The following DOCK3 variants were observed in gnomAD, a reference collection of about 807,000 sequenced individuals.
DOCK3 encodes the protein dedicator of cytokinesis 3.
In DOCK3, 60 loss-of-function variants were observed where a neutral mutation model predicts 265.6. That is an observed-to-expected ratio of 0.23 (90% CI 0.18 to 0.28). The LOEUF is 0.28. DOCK3 is among the 10% of genes least tolerant of loss of function. The pLI, the probability that DOCK3 is intolerant of heterozygous loss-of-function variation, is 1.00. For synonymous variants in DOCK3, 881 were observed against 938.0 expected (o/e 0.94, Z 1.11); for missense variants, 1,981 against 2,594.3 (o/e 0.76, Z 5.14).
At chr3:50,704,081 A>G (rs1313875047) in intron 1 of DOCK3, among the ~76,000 whole-genome samples, 3 of 151,982 alleles carry the variant, frequency 2.0e-5, no homozygotes, top group Non-Finnish European at 4.4e-5. Context: ...TTATTTGTAC[A>G]GTTTCCAAAA....
chr3:51,316,851 T>C (rs1226067903), intron 32 of DOCK3, among the ~76,000 whole-genome samples: 2 of 152,226 alleles, frequency 1.3e-5, no homozygotes, highest in African/African-American at 4.8e-5. Flanking sequence ...ATATTCTGTA[T>C]GTAAGTCCTT....
intron 5 of DOCK3, among the ~76,000 whole-genome samples, chr3:50,966,593 T>C (rs2108432250): frequency 6.6e-6 from 1 of 151,800 alleles, no homozygotes; most frequent in African/African-American, 2.4e-5. Context: ...TGATTAGTGA[T>C]ACTGAACACC....
intron 4 of DOCK3, among the ~76,000 whole-genome samples, chr3:50,925,824 CTTTTTTT>C (rs368819970): frequency 1.1e-5 from 1 of 88,426 alleles, no homozygotes. Flanking sequence ...TAAAACTAGT[CTTTTTTT>C]TTTTTTTTTT....
intron 32 of DOCK3, among the ~76,000 whole-genome samples, chr3:51,328,622 G>A (rs1481475096): frequency 1.4e-5 from 2 of 148,018 alleles, no homozygotes; most frequent in Non-Finnish European, 3.0e-5. Flanking sequence ...AAAAAAAAAA[G>A]AGAGGCTATA....
chr3:51,147,446 C>T (rs961745656), intron 10 of DOCK3, among the ~76,000 whole-genome samples: 2 of 152,114 alleles, frequency 1.3e-5, no homozygotes, highest in Non-Finnish European at 2.9e-5. Context: ...TACCCATTAA[C>T]TCGTGATTTA....
At chr3:51,074,529 C>G (rs2081987972) in intron 6 of DOCK3, among the ~76,000 whole-genome samples, 1 of 152,086 alleles carries the variant, frequency 6.6e-6, no homozygotes, top group Non-Finnish European at 1.5e-5. Flanking sequence ...TCTAATGTTT[C>G]TTAAAATATT....
At chr3:51,369,308 T>C (rs942716158) in intron 49 of DOCK3, among the ~76,000 whole-genome samples, 20 of 152,158 alleles carry the variant, frequency 1.3e-4, no homozygotes, top group African/African-American at 4.3e-4. Context: ...AAAGAGTAGA[T>C]GAATGGCTAA....
intron 5 of DOCK3, among the ~76,000 whole-genome samples, chr3:51,050,850 C>G (rs2080968745): frequency 6.6e-6 from 1 of 152,122 alleles, no homozygotes; most frequent in African/African-American, 2.4e-5. Context: ...TTGTGCATCC[C>G]TTAGCCCAGT....
At chr3:51,368,417 T>A (rs1256157254) in intron 49 of DOCK3, among the ~76,000 whole-genome samples, 2 of 152,228 alleles carry the variant, frequency 1.3e-5, no homozygotes, top group Admixed American at 1.3e-4. Context: ...ATCCTGCGCC[T>A]GACTCAGGGG....
intron 12 of DOCK3, among the ~76,000 whole-genome samples, chr3:51,165,202 C>A (rs902997812): frequency 6.6e-6 from 1 of 152,150 alleles, no homozygotes; most frequent in African/African-American, 2.4e-5. Context: ...GATGGGGTTA[C>A]AGGCGTGAGC....
Position 51,356,163 on chromosome 3 carries a change from G to A in DOCK3, c.4324G>A (p.Val1442Ile). The change falls in exon 42 of 53, where the codon GTC (valine) becomes ATC (isoleucine). Residue 1442 changes from valine to isoleucine, a missense_variant. Around this residue, in one of 4 missense-constraint regions of DOCK3, gnomAD observed 1,357 missense variants for 1,866.8 expected, o/e 0.73. Transcript: ENST00000266037. Reference protein sequence around the residue: ...VLQMDRVPDRVKSFYRVNNVR... With the variant: ...VLQMDRVPDRIKSFYRVNNVR... ...GCAGATGGATAGGGTACCAGATCGA[G>A]TCAAGAGCTTCTATCGCGTCAACAA... 6.2e-7 allele frequency: 1 copy of A among 1,613,992 alleles called. No homozygotes were observed. Among genetic ancestry groups the A allele is most frequent in the Non-Finnish European group, 8.5e-7 (1 of 1,179,890 alleles).
At chr3:51,206,575 G>A (rs2089224566) in intron 12 of DOCK3, among the ~76,000 whole-genome samples, 2 of 152,004 alleles carry the variant, frequency 1.3e-5, no homozygotes, top group African/African-American at 4.8e-5. Context: ...AAAAAAAAGA[G>A]AGAGACGGGG....
chr3:51,251,938 T>A (rs994657082), intron 22 of DOCK3, among the ~76,000 whole-genome samples: 1 of 152,222 alleles, frequency 6.6e-6, no homozygotes, highest in African/African-American at 2.4e-5. Flanking sequence ...TGCTTGCCCA[T>A]GTCTATGTCC....
intron 3 of DOCK3, among the ~76,000 whole-genome samples, chr3:50,886,378 T>C (rs2048338931): frequency 6.6e-6 from 1 of 151,934 alleles, no homozygotes; most frequent in Admixed American, 6.6e-5. Flanking sequence ...TATGGTTACG[T>C]GCAGTTGCTT....
At chr3:51,274,704 C>T (rs1419043949) in intron 24 of DOCK3, among the ~76,000 whole-genome samples, 2 of 151,912 alleles carry the variant, frequency 1.3e-5, no homozygotes, top group African/African-American at 4.8e-5. Context: ...TCTAGCAATC[C>T]TAGAAAGTTG....
In DOCK3 at chr3:51,348,889, C is replaced by G. The variant is rs1284256999; in HGVS notation, c.3953C>G (p.Ala1318Gly). Reference sequence around the variant, plus strand: ...GGGATCCCACTGTGCAGGGAGCTGGCGTGTCAGTACGAGAGCCTCTATGAT... The same window carrying G: ...GGGATCCCACTGTGCAGGGAGCTGGGGTGTCAGTACGAGAGCCTCTATGAT... Reference protein sequence around the residue: ...EFGIPLCRELACQYESLYDYQ... With the variant: ...EFGIPLCRELGCQYESLYDYQ... The change falls in exon 39 of 53, where the codon GCG (alanine) becomes GGG (glycine). Residue 1318 changes from alanine (A) to glycine (G), a missense_variant. Coordinates refer to ENST00000266037, the MANE Select transcript of DOCK3 (RefSeq NM_004947.5). The G allele has an allele frequency of 6.3e-7, 1 of 1,584,792 alleles. No individual in the cohort carries two copies. Among genetic ancestry groups the G allele is most frequent in the Admixed American group, 1.8e-5 (1 of 55,824 alleles).
chr3:51,050,686 A>C (rs138053791), intron 5 of DOCK3, among the ~76,000 whole-genome samples: 26 of 152,346 alleles, frequency 1.7e-4, no homozygotes, highest in African/African-American at 6.3e-4. Flanking sequence ...CAGCTCAGGC[A>C]GAGAGTGAAT....
intron 5 of DOCK3, among the ~76,000 whole-genome samples, chr3:50,945,208 CT>C (rs1271553906): frequency 1.3e-5 from 2 of 152,042 alleles, no homozygotes; most frequent in African/African-American, 2.4e-5. Flanking sequence ...AGATAAATTG[CT>C]TCAGTCATTT....
At position 51,225,501 on chromosome 3, in the gene DOCK3, G is replaced by A; in HGVS notation, c.1253-148G>A. 13 of 1,272,722 alleles carry A rather than the reference G, an allele frequency of 1.0e-5. No homozygotes were observed. The South Asian group carries it at 1.9e-4, about 19-fold the overall frequency. The allele number at this position is 1,272,722 out of a possible 1,614,324, so 78.8% of individuals were successfully genotyped here. On this transcript the variant is annotated intron_variant, in intron 14 of 52. Coordinates refer to ENST00000266037, the MANE Select transcript of DOCK3 (RefSeq NM_004947.5). ...CCTGGGTGCTGCTGCACTGATACTG[G>A]TAGAATGTCCATCATTATTAACCAA...
Sources: allele counts gnomAD v4.1 joint callset (sites outside exome capture counted in the v4.1 genomes callset), GRCh38; gene constraint gnomAD v4.1.1; regional missense constraint gnomAD v4.1.1; transcripts MANE v1.5; gene names NCBI Gene and HGNC (gene_info 2026-07-23, HGNC 2026-07-21).